The following CFAP90 variants were observed in gnomAD, a reference collection of about 807,000 sequenced individuals.
CFAP90 encodes the protein cilia- and flagella-associated protein 90.
the CFAP90 span, among the ~76,000 whole-genome samples, chr5:7,844,445 T>C: frequency 6.6e-6 from 1 of 152,236 alleles, no homozygotes; most frequent in Admixed American, 6.5e-5. Context: ...CAGGTATTTA[T>C]GGAGTTCCAA....
At chr5:7,843,410 T>C in the CFAP90 span, among the ~76,000 whole-genome samples, 2 of 152,242 alleles carry the variant, frequency 1.3e-5, no homozygotes, top group Non-Finnish European at 1.5e-5. Context: ...TCCTGGTACA[T>C]TAATATCACA....
chr5:7,840,342 C>T, the CFAP90 span, among the ~76,000 whole-genome samples: 2 of 152,138 alleles, frequency 1.3e-5, no homozygotes, highest in South Asian at 2.1e-4. Context: ...AGAGTGGAGG[C>T]CTCCAGTTTT....
At chr5:7,849,905 A>G in the CFAP90 span, among the ~76,000 whole-genome samples, 4 of 152,078 alleles carry the variant, frequency 2.6e-5, no homozygotes, top group African/African-American at 7.2e-5. Flanking sequence ...CCTGCCGCAG[A>G]CAGACCCCAG....
At chr5:7,846,992 G>T in the CFAP90 span, among the ~76,000 whole-genome samples, 2 of 152,124 alleles carry the variant, frequency 1.3e-5, no homozygotes, top group African/African-American at 4.8e-5. Context: ...CAAGTGATCT[G>T]CCCTCCTCAG....
At chr5:7,842,870 T>C in the CFAP90 span, among the ~76,000 whole-genome samples, 1 of 152,190 alleles carries the variant, frequency 6.6e-6, no homozygotes, top group Non-Finnish European at 1.5e-5. Flanking sequence ...GGCTACCAGT[T>C]AAATGCAGAG....
the CFAP90 span, among the ~76,000 whole-genome samples, chr5:7,843,173 T>A: frequency 3.9e-5 from 6 of 152,208 alleles, no homozygotes; most frequent in African/African-American, 1.2e-4. Context: ...CTTTGATTCA[T>A]CAGGGCCTCA....
At chr5:7,835,061 C>G in the CFAP90 span, among the ~76,000 whole-genome samples, 4,856 of 152,226 alleles carry the variant, frequency 0.032, 214 homozygotes, top group African/African-American at 0.1. Context: ...TTTTGGTGTT[C>G]CAGTGCATAT....
chr5:7,851,116 A>G, the CFAP90 span: 1 of 1,215,852 alleles, frequency 8.2e-7, no homozygotes, highest in Non-Finnish European at 1.0e-6. Flanking sequence ...GCTCAGCGCC[A>G]GCGTCTAGCC....
the CFAP90 span, among the ~76,000 whole-genome samples, chr5:7,844,675 C>G: frequency 6.6e-6 from 1 of 152,122 alleles, no homozygotes; most frequent in African/African-American, 2.4e-5. Flanking sequence ...AGTACAAATT[C>G]TTTTGGAAAG....
chr5:7,850,956 G>A, the CFAP90 span: 2 of 1,334,084 alleles, frequency 1.5e-6, no homozygotes, highest in Non-Finnish European at 1.9e-6. Context: ...ACTGCGCCGA[G>A]ACGGGCGGCG....
the CFAP90 span, among the ~76,000 whole-genome samples, chr5:7,846,351 C>G: frequency 6.6e-6 from 1 of 152,186 alleles, no homozygotes; most frequent in Non-Finnish European, 1.5e-5. Context: ...TACCCATACG[C>G]TGGGTGATTT....
chr5:7,850,777 C>G, the CFAP90 span: 1 of 1,179,020 alleles, frequency 8.5e-7, no homozygotes, highest in Non-Finnish European at 1.1e-6. Context: ...TCCGCGGCCG[C>G]CCGCCCCTGC....
At chr5:7,839,552 G>C in the CFAP90 span, among the ~76,000 whole-genome samples, 5 of 152,224 alleles carry the variant, frequency 3.3e-5, no homozygotes, top group Non-Finnish European at 5.9e-5. Flanking sequence ...CATTCATTTT[G>C]TTCCCTATAT....
the CFAP90 span, chr5:7,830,392 GATTT>G: frequency 1.3e-5 from 2 of 152,146 alleles, no homozygotes; most frequent in Middle Eastern, 3.2e-3. Flanking sequence ...GTTTGACTTT[GATTT>G]ATTACAGTCA....
the CFAP90 span, chr5:7,835,386 T>C: frequency 3.2e-6 from 5 of 1,553,824 alleles, no homozygotes; most frequent in Non-Finnish European, 4.4e-6. Flanking sequence ...TATTACCTCT[T>C]CGTTAACATG....
the CFAP90 span, among the ~76,000 whole-genome samples, chr5:7,840,788 G>A: frequency 6.6e-6 from 1 of 152,062 alleles, no homozygotes; most frequent in African/African-American, 2.4e-5. Flanking sequence ...ACTGGAGTAG[G>A]GTAGACCCCC....
the CFAP90 span, chr5:7,830,833 T>G: frequency 6.6e-6 from 1 of 152,228 alleles, no homozygotes; most frequent in Non-Finnish European, 1.5e-5. Context: ...AAAATGTAGC[T>G]GATGATACTT....
chr5:7,830,723 T>A, the CFAP90 span: 1 of 152,250 alleles, frequency 6.6e-6, no homozygotes, highest in African/African-American at 2.4e-5. Flanking sequence ...GAGCGATCAG[T>A]ATTGAAATTA....
At chr5:7,840,855 A>G in the CFAP90 span, among the ~76,000 whole-genome samples, 2 of 152,176 alleles carry the variant, frequency 1.3e-5, no homozygotes, top group African/African-American at 4.8e-5. Context: ...GAACATTCAG[A>G]GGGAAGGTGA....
Sources: allele counts gnomAD v4.1 joint callset (sites outside exome capture counted in the v4.1 genomes callset), GRCh38; gene constraint gnomAD v4.1.1; transcripts MANE v1.5; gene names NCBI Gene and HGNC (gene_info 2026-07-23, HGNC 2026-07-21).